Variants in PIGK observed in about 807,000 individuals in gnomAD.
PIGK encodes the protein GPI-anchor transamidase.
A neutral mutation model predicts 50.6 loss-of-function variants in PIGK; 42 were observed. The ratio of observed to expected loss-of-function variants is 0.83; its 90% CI spans 0.65 to 1.07. PIGK has a LOEUF of 1.07. PIGK is among the 50% of genes least tolerant of loss of function. The pLI is 0.00. For synonymous variants in PIGK, 151 were observed against 156.0 expected (o/e 0.97, Z 0.24); for missense variants, 448 against 488.7 (o/e 0.92, Z 0.78).
chr1:77,144,753 C>T (rs1654729758), intron 9 of PIGK, among the ~76,000 whole-genome samples: 1 of 151,718 alleles, frequency 6.6e-6, no homozygotes, highest in African/African-American at 2.4e-5. Context: ...GAAACTATAA[C>T]AATAAGAACT....
chr1:77,101,185 A>T (rs1299310267), intron 10 of PIGK, among the ~76,000 whole-genome samples: 1 of 152,234 alleles, frequency 6.6e-6, no homozygotes. Flanking sequence ...ATCTACTTGC[A>T]TTGTTGGCAG....
At chr1:77,119,875 A>G (rs1444975624) in intron 10 of PIGK, among the ~76,000 whole-genome samples, 1 of 59,746 alleles carries the variant, frequency 1.7e-5, no homozygotes, top group Non-Finnish European at 2.7e-5. Flanking sequence ...AAAATACGTT[A>G]TCTATCCATT....
In PIGK at chr1:77,099,368, A is replaced by G. The variant is rs1382090796; in HGVS notation, c.1072-6878T>C. Among the ~76,000 whole-genome samples the G allele has an allele frequency of 5.3e-5, 8 of 152,296 alleles. No individual in the cohort carries two copies. The East Asian group carries it at 1.5e-3, about 29-fold the overall frequency. On this transcript the variant is annotated intron_variant, in intron 10 of 10. Coordinates refer to ENST00000370812, the MANE Select transcript of PIGK (RefSeq NM_005482.3). ...TCTATACTTACCTAAGCTTTTGAAA[A>G]TGTTTTCTACAATGAGTATGTCTTA...
chr1:77,181,719 T>C (rs1314674624), intron 3 of PIGK, among the ~76,000 whole-genome samples: 1 of 152,104 alleles, frequency 6.6e-6, no homozygotes, highest in African/African-American at 2.4e-5. Context: ...GTGTTGCTTT[T>C]CCCCCTGACA....
rs1034753675 is a variant in PIGK, at chr1:77,139,238, A to G, written c.986+15211T>C. On this transcript the variant is annotated intron_variant, in intron 9 of 10. Coordinates refer to ENST00000370812, the MANE Select transcript of PIGK (RefSeq NM_005482.3). ...TTTTAGCGTCTATGTGTTTTTTCCC[A>G]AGAGATTTCCCTACTGTTGAGCAAA... Among the ~76,000 whole-genome samples, 3 of 152,012 alleles carry G rather than the reference A, an allele frequency of 2.0e-5. No homozygotes were observed. In the East Asian group the frequency reaches 5.8e-4, roughly 29 times the overall value.
rs1321482128 is a variant in PIGK at position 77,161,305 on chromosome 1, A to T, written c.803T>A (p.Met268Lys). The change falls in exon 8 of 11, where the codon ATG becomes AAG. Residue 268 changes from methionine to lysine, a missense_variant. Coordinates refer to ENST00000370812, the MANE Select transcript of PIGK (RefSeq NM_005482.3). ...EEINPASQTNMNDLFQVCPKS... is the reference protein window; with the variant it reads ...EEINPASQTNKNDLFQVCPKS... Reference sequence around the variant, plus strand: ...CAAGTGAATACTTACAAGGTCATTCATATTAGTTTGGCTAGCTGGGTTAAT... The same window carrying T: ...CAAGTGAATACTTACAAGGTCATTCTTATTAGTTTGGCTAGCTGGGTTAAT... 2 of 1,493,398 alleles carry T rather than the reference A, an allele frequency of 1.3e-6. No individual in the cohort carries two copies. Among genetic ancestry groups the T allele is most frequent in the Non-Finnish European group, 1.9e-6 (2 of 1,070,268 alleles). 92.5% of individuals were successfully genotyped at this position (1,493,398 alleles called of 1,614,324 possible).
chr1:77,142,303 T>G (rs1036652652), intron 9 of PIGK, among the ~76,000 whole-genome samples: 5 of 152,176 alleles, frequency 3.3e-5, no homozygotes, highest in African/African-American at 1.2e-4. Context: ...TTGCTCATTG[T>G]ATCTCTTGCA....
chr1:77,155,824 C>G (rs17099973), intron 8 of PIGK, among the ~76,000 whole-genome samples: 1,928 of 152,186 alleles, frequency 0.013, 40 homozygotes, highest in African/African-American at 0.044. Context: ...AATATGAAGG[C>G]AGAAAGGTGG....
chr1:77,107,917 C>A (rs548943390), intron 10 of PIGK, among the ~76,000 whole-genome samples: 2 of 152,140 alleles, frequency 1.3e-5, no homozygotes, highest in African/African-American at 4.8e-5. Flanking sequence ...GCAATCCCTG[C>A]CTTTTTTTGT....
intron 9 of PIGK, among the ~76,000 whole-genome samples, chr1:77,141,984 A>G (rs1654659517): frequency 6.6e-6 from 1 of 152,132 alleles, no homozygotes; most frequent in Non-Finnish European, 1.5e-5. Context: ...TTTCCCCCAC[A>G]ATAAAAGCCA....
chr1:77,116,374 A>G (rs1023380117), intron 10 of PIGK, among the ~76,000 whole-genome samples: 1 of 151,748 alleles, frequency 6.6e-6, no homozygotes, highest in Non-Finnish European at 1.5e-5. Context: ...TTTAGTAGAG[A>G]CGGGGTTTCA....
At chr1:77,125,768 CA>C (rs904732911) in intron 9 of PIGK, among the ~76,000 whole-genome samples, 1 of 151,874 alleles carries the variant, frequency 6.6e-6, no homozygotes, top group Non-Finnish European at 1.5e-5. Flanking sequence ...CATTTTATTT[CA>C]AAAAAAGTTT....
In PIGK at chr1:77,131,485, A is replaced by G. The variant is rs185486666; in HGVS notation, c.987-9126T>C. On this transcript the variant is annotated intron_variant, in intron 9 of 10. Coordinates refer to ENST00000370812, the MANE Select transcript of PIGK (RefSeq NM_005482.3). ...TATTCTTATCTTGTCCCCGATTTTC[A>G]TCGAAATGCTTCTATAATTTCACAC... Among the ~76,000 whole-genome samples, 141 of 152,210 alleles carry G rather than the reference A, an allele frequency of 9.3e-4. 1 individual carries two copies. The East Asian group carries it at 0.018, about 19-fold the overall frequency.
intron 9 of PIGK, among the ~76,000 whole-genome samples, chr1:77,131,935 T>C (rs375320450): frequency 7.2e-5 from 11 of 152,196 alleles, no homozygotes; most frequent in African/African-American, 2.2e-4. Context: ...GTTCATATTA[T>C]GTCAGCACCT....
chr1:77,212,421 A>C (rs1656440959), intron 1 of PIGK, among the ~76,000 whole-genome samples: 1 of 152,188 alleles, frequency 6.6e-6, no homozygotes, highest in South Asian at 2.1e-4. Context: ...CTAGTCTGAA[A>C]AACATTAACA....
intron 3 of PIGK, among the ~76,000 whole-genome samples, chr1:77,186,483 A>G (rs1655744579): frequency 6.6e-6 from 1 of 152,258 alleles, no homozygotes; most frequent in African/African-American, 2.4e-5. Context: ...ACTTGGAAGA[A>G]GCATGATTGG....
chr1:77,181,028 T>C (rs1251171479), intron 3 of PIGK, among the ~76,000 whole-genome samples: 1 of 152,174 alleles, frequency 6.6e-6, no homozygotes, highest in Non-Finnish European at 1.5e-5. Context: ...GGTTACTTCA[T>C]CTAAATAGAA....
intron 9 of PIGK, among the ~76,000 whole-genome samples, chr1:77,153,353 GTGTT>G (rs990675009): frequency 3.2e-4 from 49 of 152,110 alleles, no homozygotes; most frequent in African/African-American, 1.2e-3. Flanking sequence ...GGTAGGGAAA[GTGTT>G]TGGGAGGAGA....
intron 3 of PIGK, among the ~76,000 whole-genome samples, chr1:77,189,716 T>C (rs1557818889): frequency 2.0e-4 from 4 of 19,710 alleles, no homozygotes; most frequent in African/African-American, 6.3e-4. Flanking sequence ...TATATATATA[T>C]ATATATATAT....
Sources: allele counts gnomAD v4.1 joint callset (sites outside exome capture counted in the v4.1 genomes callset), GRCh38; gene constraint gnomAD v4.1.1; transcripts MANE v1.5; gene names NCBI Gene and HGNC (gene_info 2026-07-23, HGNC 2026-07-21).